GIPR: variants seen among roughly 807,000 people sequenced by gnomAD.
The protein encoded by GIPR is gastric inhibitory polypeptide receptor, also known as GIP-R.
GIPR carries 74 observed loss-of-function variants against 62.2 expected under a neutral mutation model. The ratio of observed to expected loss-of-function variants is 1.19; its 90% CI spans 0.99 to 1.44. The LOEUF (loss-of-function observed/expected upper bound fraction) is 1.44, where lower values mean the gene tolerates loss of function less well. Among genes scored for constraint, GIPR ranks in the 40% most tolerant of loss-of-function variants. The probability of loss-of-function intolerance (pLI) is 0.00; values close to 1 mark genes in which losing one functional copy is unlikely to be tolerated. For missense variants in GIPR, 664 were observed against 611.8 expected (o/e 1.09, Z -0.90); for synonymous variants, 256 against 262.2 (o/e 0.98, Z 0.23).
chr19:45,674,633 T>C (rs745409663), intron 6 of GIPR, 49 bp from the exon 7 acceptor site: 1 of 1,585,726 alleles, frequency 6.3e-7, no homozygotes, highest in Non-Finnish European at 8.7e-7. Context: ...TCTGTGTGGC[T>C]GAGGACAGCT....
rs200485112 is a variant in GIPR, at chr19:45,676,965, G to T, written c.650G>T (p.Arg217Leu). ...CCTCCCTAGGCCCTCGCTGCCTGCC[G>T]CACGGCCCAGATCGTGACCCAGTAC... ...ALWNQALAAC[R>L]TAQIVTQYCV... The change falls in exon 8 of 14, where the codon CGC becomes CTC. Residue 217 changes from arginine to leucine, a missense_variant. By Grantham distance (102) the Arg-to-Leu change is moderately radical. Coordinates refer to ENST00000590918, the MANE Select transcript of GIPR (RefSeq NM_000164.4). 382 of 1,613,966 alleles carry T rather than the reference G, an allele frequency of 2.4e-4. 3 individuals are homozygous for T. In the East Asian group the frequency reaches 8.1e-3, roughly 34 times the overall value.
chr19:45,682,563 C>CTT lies in GIPR; in HGVS notation c.*643_*644dup, dbSNP rs757416626. 9 of 138,346 alleles carry CTT rather than the reference C, an allele frequency of 6.5e-5. No individual in the cohort carries two copies. Among genetic ancestry groups the CTT allele is most frequent in the Admixed American group, 7.3e-5 (1 of 13,758 alleles). 8.6% of individuals were successfully genotyped at this position (138,346 alleles called of 1,614,324 possible). A position where few individuals can be genotyped will look rare whatever the true frequency, so the allele number is the denominator to read the frequency against. On this transcript the variant is annotated 3_prime_UTR_variant, in exon 14 of 14. Coordinates refer to ENST00000590918, the MANE Select transcript of GIPR (RefSeq NM_000164.4). ...TACAGGCGTGAGCCACCGCACCCGGCTTTTTTTTTTTTTTTTAAACGGAGT... is the reference window on the plus strand; with the variant it reads ...TACAGGCGTGAGCCACCGCACCCGGCTTTTTTTTTTTTTTTTTTAAACGGAGT...
At chr19:45,679,388 C>T (rs1009859179) in intron 12 of GIPR, among the ~76,000 whole-genome samples, 5 of 148,504 alleles carry the variant, frequency 3.4e-5, no homozygotes, top group Admixed American at 1.4e-4. Context: ...AGGCTGAGGT[C>T]GGAGAATCGA....
intron 3 of GIPR, among the ~76,000 whole-genome samples, 187 bp from the exon 4 acceptor site, chr19:45,671,098 T>C (rs1975513858): frequency 1.3e-5 from 2 of 151,630 alleles, no homozygotes; most frequent in African/African-American, 2.4e-5. Context: ...TTGAGGCTGG[T>C]GGGAGGAGCT....
chr19:45,674,591 A>T, intron 6 of GIPR, 91 bp from the exon 7 acceptor site: 1 of 1,150,062 alleles, frequency 8.7e-7, no homozygotes, highest in Middle Eastern at 2.0e-4. Context: ...TGGGTGACAG[A>T]GTGAGACCCT....
intron 7 of GIPR, 172 bp downstream of exon 7, chr19:45,674,998 C>A (rs759236044): frequency 2.9e-6 from 2 of 681,704 alleles, no homozygotes; most frequent in East Asian, 2.6e-5. Context: ...GGAGAGGGAA[C>A]CTCCCAACTC....
intron 2 of GIPR, 84 bp from the exon 3 acceptor site, chr19:45,670,551 C>A (rs1341171771): frequency 1.1e-6 from 1 of 884,230 alleles, no homozygotes; most frequent in African/African-American, 1.6e-5. Context: ...CAAAGTCTCT[C>A]TGGGGCGCTT....
rs762840878 is a variant in GIPR at position 45,671,326 on chromosome 19, G to A, written c.214G>A (p.Asp72Asn). ...GTCCTTCGATATGTACGTCTGCTGGGACTATGCTGCACCCAATGCCACTGC... is the reference window on the plus strand; with the variant it reads ...GTCCTTCGATATGTACGTCTGCTGGAACTATGCTGCACCCAATGCCACTGC... ...NGSFDMYVCW[D>N]YAAPNATARA... The change falls in exon 4 of 14, where the codon GAC becomes AAC. Residue 72 changes from aspartate (D) to asparagine (N), a missense_variant. By Grantham distance (23) the Asp-to-Asn change is conservative. Coordinates refer to ENST00000590918, the MANE Select transcript of GIPR (RefSeq NM_000164.4). The A allele has an allele frequency of 1.7e-5, 27 of 1,613,028 alleles. No homozygotes were observed. Among genetic ancestry groups the A allele is most frequent in the Non-Finnish European group, 2.3e-5 (27 of 1,179,894 alleles).
chr19:45,680,741 G>T (rs1056071665), intron 12 of GIPR, among the ~76,000 whole-genome samples: 1 of 145,420 alleles, frequency 6.9e-6, no homozygotes, highest in African/African-American at 2.6e-5. Flanking sequence ...TGATTCAGGA[G>T]AATCGCTTGA....
chr19:45,669,741 T>A (rs1222331591), intron 2 of GIPR, 149 bp downstream of exon 2: 3 of 1,059,490 alleles, frequency 2.8e-6, no homozygotes, highest in African/African-American at 1.6e-5. Flanking sequence ...AGGCCAGGAG[T>A]TCGAGACCAG....
At chr19:45,680,582 C>A (rs1323807019) in intron 12 of GIPR, among the ~76,000 whole-genome samples, 2 of 151,946 alleles carry the variant, frequency 1.3e-5, no homozygotes, top group African/African-American at 4.8e-5. Context: ...GTAATCCTAG[C>A]ACTTTGGGAG....
chr19:45,670,636 C>G lies in GIPR; in HGVS notation c.74C>G (p.Thr25Arg), dbSNP rs771861504. 16 of 1,609,950 alleles carry G rather than the reference C, an allele frequency of 9.9e-6. No homozygotes were observed. The highest frequency in any genetic ancestry group is 2.7e-5 in the African/African-American group (2 of 74,816). ...GTCCTCCCTTCTTTCTTTTCCTAGA[C>G]AGGCTCTAAGGGGCAGACGGCGGGG... ...LCGLLLQRAE[T>R]GSKGQTAGEL... Residue 25 changes from threonine to arginine, a missense_variant and splice_region_variant, in exon 3 of 14, where the codon ACA becomes AGA. By Grantham distance (71) the Thr-to-Arg change is moderately conservative. Coordinates refer to ENST00000590918, the MANE Select transcript of GIPR (RefSeq NM_000164.4).
rs373816270 is a variant in GIPR at position 45,671,224 on chromosome 19, T to A, written c.173-61T>A. 7.8e-5 allele frequency: 73 copies of A among 937,266 alleles called. No homozygotes were observed. In the African/African-American group the frequency reaches 9.1e-4, roughly 12 times the overall value. 58.1% of individuals were successfully genotyped at this position (937,266 alleles called of 1,614,324 possible). ...GAGAAGCACTTGGCCCACTGCGCAG[T>A]AGCACTTGGCCCACTGCGCAGTAGG... On this transcript the variant is annotated intron_variant, in intron 3 of 13. Transcript: ENST00000590918.
At position 45,674,703 on chromosome 19, in the gene GIPR, C is replaced by T. The variant is rs5391; in HGVS notation, c.510C>T (p.Asn170=). 17,617 of 1,613,950 alleles carry T rather than the reference C, an allele frequency of 0.011. 1,665 individuals are homozygous for T. In the African/African-American group the frequency reaches 0.21, roughly 19 times the overall value. ...SLFRRLHCTR[N]YIHINLFTSF... ...CTAGGCGGCTACATTGCACTAGAAA[C>T]TATATCCACATCAACCTGTTCACGT... The change falls in exon 7 of 14, where the codon AAC becomes AAT. Residue 170 remains asparagine, a synonymous_variant. Coordinates refer to ENST00000590918, the MANE Select transcript of GIPR (RefSeq NM_000164.4).
At chr19:45,675,119 C>T in intron 7 of GIPR, 1 of 397,254 alleles carries the variant, frequency 2.5e-6, no homozygotes, top group Non-Finnish European at 4.9e-6. Context: ...ATGAGAGAAT[C>T]CACCTGCTGG....
At position 45,677,339 on chromosome 19, in the gene GIPR, C is replaced by T. The variant is rs761937534; in HGVS notation, c.810C>T (p.Phe270=). 3 of 1,598,484 alleles carry T rather than the reference C, an allele frequency of 1.9e-6. No homozygotes were observed. Among genetic ancestry groups the T allele is most frequent in the Non-Finnish European group, 2.6e-6 (3 of 1,171,122 alleles). ...TCTGCACAGGGGCCCCCGCGCTTTT[C>T]GTCATTCCCTGGGTGATCGTCAGGT... ...LLLGWGAPAL[F]VIPWVIVRYL... is the part of the protein sequence containing the mutation. Residue 270 remains phenylalanine (F), a synonymous_variant, in exon 9 of 14, where the codon TTC becomes TTT. Coordinates refer to ENST00000590918, the MANE Select transcript of GIPR (RefSeq NM_000164.4).
chr19:45,674,001 G>A, intron 5 of GIPR, 73 bp from the exon 6 acceptor site: 1 of 852,532 alleles, frequency 1.2e-6, no homozygotes. Flanking sequence ...AAGAGCAGAG[G>A]TCCTTCCAGT....
intron 7 of GIPR, among the ~76,000 whole-genome samples, chr19:45,676,388 TTTTG>T: frequency 6.6e-6 from 1 of 151,780 alleles, no homozygotes; most frequent in African/African-American, 2.4e-5. Flanking sequence ...TTTTTGTTTG[TTTTG>T]TTTCTTTGAG....
intron 2 of GIPR, 188 bp from the exon 3 acceptor site, chr19:45,670,447 C>A: frequency 3.7e-6 from 2 of 542,906 alleles, no homozygotes; most frequent in Non-Finnish European, 6.7e-6. Flanking sequence ...TCTCCCATAG[C>A]AACTCCAGTG....
Sources: gnomAD v4.1 joint callset for allele counts (sites outside exome capture counted in the v4.1 genomes callset) on GRCh38, gnomAD v4.1.1 for gene constraint, MANE v1.5 for transcripts, NCBI Gene and HGNC (gene_info 2026-07-23, HGNC 2026-07-21) for gene names.